The following KAZN variants were observed in gnomAD, a reference collection of about 807,000 sequenced individuals.
The protein encoded by KAZN is kazrin, periplakin interacting protein.
Under a neutral mutation model 87.4 loss-of-function variants are expected in KAZN, and 40 were observed. The ratio of observed to expected loss-of-function variants is 0.46; its 90% CI spans 0.36 to 0.60. The LOEUF is 0.60. Among genes scored for constraint, KAZN ranks in the 20% least tolerant of loss-of-function variants. KAZN has a pLI of 0.00. For synonymous variants in KAZN, 466 were observed against 458.3 expected, an observed-to-expected ratio of 1.02 and a Z score of -0.22; for missense variants, 898 against 1,073.9, an observed-to-expected ratio of 0.84 and a Z score of 2.29.
At chr1:14,381,062 C>T (rs1331986660) in intron 2 of KAZN, among the ~76,000 whole-genome samples, 1 of 152,174 alleles carries the variant, frequency 6.6e-6, no homozygotes, top group African/African-American at 2.4e-5. Context: ...CATCCCATGG[C>T]CATCATCCCA....
chr1:13,960,397 T>G (rs1641705695), intron 1 of KAZN, among the ~76,000 whole-genome samples: 2 of 152,194 alleles, frequency 1.3e-5, no homozygotes, highest in South Asian at 4.1e-4. Flanking sequence ...CTATGGCTTT[T>G]ATAAGGACAT....
chr1:13,947,485 T>C (rs1406141198), intron 1 of KAZN, among the ~76,000 whole-genome samples: 1 of 151,924 alleles, frequency 6.6e-6, no homozygotes, highest in Non-Finnish European at 1.5e-5. Flanking sequence ...TGAGATGAGA[T>C]TTGGGTGGGG....
intron 1 of KAZN, among the ~76,000 whole-genome samples, chr1:14,920,276 G>GTTTT (rs55641056): frequency 0.064 from 6,019 of 93,890 alleles, 185 homozygotes; most frequent in Non-Finnish European, 0.078. Flanking sequence ...CCTCTTTTCT[G>GTTTT]TTTTTTTTTT....
At chr1:14,327,689 T>C (rs888176726) in intron 2 of KAZN, among the ~76,000 whole-genome samples, 5 of 152,162 alleles carry the variant, frequency 3.3e-5, no homozygotes, top group Admixed American at 2.0e-4. Flanking sequence ...CTGACTCTCC[T>C]CATCTTTGCT....
intron 2 of KAZN, among the ~76,000 whole-genome samples, chr1:14,225,556 A>G (rs1056138669): frequency 6.6e-6 from 1 of 152,202 alleles, no homozygotes; most frequent in Non-Finnish European, 1.5e-5. Context: ...ACAAAAAAAT[A>G]AGCCTGAATA....
chr1:14,532,784 T>C lies in KAZN; in HGVS notation c.250-66199T>C, dbSNP rs181727352. Among the ~76,000 whole-genome samples, 850 of 152,044 alleles carry C rather than the reference T, an allele frequency of 5.6e-3. 5 individuals are homozygous for C. The highest frequency in any genetic ancestry group is 0.019 in the African/African-American group (804 of 41,468). ...TGGTTTCCAGTTTCATCCATGTCCC[T>C]ACAAAGGACATGAACTCATCATTTT... On this transcript the variant is annotated intron_variant, in intron 2 of 16. Transcript: ENST00000636203.
chr1:15,017,074 G>A (rs753116154), intron 2 of KAZN, among the ~76,000 whole-genome samples: 5 of 152,048 alleles, frequency 3.3e-5, no homozygotes, highest in Non-Finnish European at 5.9e-5. Context: ...GAGGCGGGCG[G>A]ATCACCTGAG....
chr1:14,148,163 C>T (rs995707757), intron 1 of KAZN, among the ~76,000 whole-genome samples: 5 of 152,130 alleles, frequency 3.3e-5, no homozygotes, highest in African/African-American at 1.2e-4. Flanking sequence ...CATGCCACTG[C>T]ACTCCAGCCT....
intron 2 of KAZN, among the ~76,000 whole-genome samples, chr1:14,977,661 G>A (rs990273229): frequency 1.3e-4 from 20 of 152,222 alleles, no homozygotes; most frequent in African/African-American, 4.8e-4. Context: ...TAGTTCGGGT[G>A]ACTGCAGATT....
rs1387519379 is a variant in KAZN, at chr1:14,184,985, G to A, written c.249+4393G>A. On this transcript the variant is annotated intron_variant, in intron 2 of 16. Transcript: ENST00000636203. The surrounding 1 kb of genome is among the most constrained non-coding windows in gnomAD (Gnocchi z 4.2). ...AGGTAGGCCTCTGTGGCTGTCACTG[G>A]TACAGTTATCTGGAGCTTTCTAGCT... 6.6e-6 allele frequency among the ~76,000 whole-genome samples: 1 copy of A among 152,118 alleles called. No individual in the cohort carries two copies.
chr1:14,706,962 G>A (rs1216369414), intron 1 of KAZN, among the ~76,000 whole-genome samples: 3 of 152,184 alleles, frequency 2.0e-5, no homozygotes, highest in Non-Finnish European at 4.4e-5. Context: ...TCCGTATTTA[G>A]ATGAAATCTT....
chr1:15,053,566 A>G (rs1354374211), intron 4 of KAZN, among the ~76,000 whole-genome samples: 2 of 152,164 alleles, frequency 1.3e-5, no homozygotes, highest in South Asian at 2.1e-4. Flanking sequence ...ACTGGCCCAC[A>G]TCATTTGCGC....
At chr1:14,928,654 G>C (rs1457003912) in intron 1 of KAZN, among the ~76,000 whole-genome samples, 1 of 152,178 alleles carries the variant, frequency 6.6e-6, no homozygotes, top group Non-Finnish European at 1.5e-5. Context: ...CTTGTGCTGG[G>C]ACTGGATGAG....
intron 1 of KAZN, among the ~76,000 whole-genome samples, chr1:14,950,343 T>G (rs904083411): frequency 6.6e-6 from 1 of 151,938 alleles, no homozygotes; most frequent in Non-Finnish European, 1.5e-5. Context: ...GAGGGTCCGT[T>G]TGGCAAATGG....
In KAZN at chr1:14,465,669, G is replaced by C. The variant is rs144894720; in HGVS notation, c.250-133314G>C. Among the ~76,000 whole-genome samples the C allele has an allele frequency of 6.3e-3, 952 of 152,216 alleles. 2 individuals carry two copies. Among genetic ancestry groups the C allele is most frequent in the Non-Finnish European group, 0.01 (713 of 68,018 alleles). ...TCTGTTGGCCAAACAAGTCACTGAG[G>C]CCAGTCTTGTCAAGGGGAGGGAACT... On this transcript the variant is annotated intron_variant, in intron 2 of 16. Transcript: ENST00000636203.
At chr1:14,693,240 G>T (rs1000857918) in intron 1 of KAZN, among the ~76,000 whole-genome samples, 1 of 152,124 alleles carries the variant, frequency 6.6e-6, no homozygotes, top group Non-Finnish European at 1.5e-5. Context: ...CGCATTTGCC[G>T]TTCTTAATAG....
Position 14,558,531 on chromosome 1 carries a change from G to T in KAZN, c.250-40452G>T, listed in dbSNP as rs116770613. ...GATTTTTAAATGCTTTCTCAGCTGG[G>T]TACATCCAATTTCTTATTCTTTTTG... On this transcript the variant is annotated intron_variant, in intron 2 of 16. Transcript: ENST00000636203. Among the ~76,000 whole-genome samples, 417 of 152,276 alleles carry T rather than the reference G, an allele frequency of 2.7e-3. 6 individuals carry two copies. Among genetic ancestry groups the T allele is most frequent in the African/African-American group, 9.5e-3 (396 of 41,544 alleles).
intron 2 of KAZN, among the ~76,000 whole-genome samples, chr1:14,999,700 TTTTAGA>T (rs1668274819): frequency 6.6e-6 from 1 of 152,224 alleles, no homozygotes; most frequent in African/African-American, 2.4e-5. Context: ...TGGGTGGAAT[TTTTAGA>T]ACTTAAAAGT....
intron 1 of KAZN, among the ~76,000 whole-genome samples, chr1:14,908,242 T>G (rs1194774563): frequency 6.7e-6 from 1 of 148,998 alleles, no homozygotes; most frequent in Admixed American, 6.7e-5. Context: ...GTACAAAAAA[T>G]AAAAATAAGA....
Sources: allele counts gnomAD v4.1 joint callset (sites outside exome capture counted in the v4.1 genomes callset), GRCh38; gene constraint gnomAD v4.1.1; non-coding constraint Gnocchi (gnomAD v3.1); transcripts MANE v1.5; gene names NCBI Gene and HGNC (gene_info 2026-07-23, HGNC 2026-07-21).